Variants in TAFA2 observed in about 807,000 individuals in gnomAD.
TAFA2 encodes chemokine-like protein TAFA-2.
TAFA2 carries 7 observed loss-of-function variants against 18.8 expected under a neutral mutation model. That is an observed-to-expected ratio of 0.37 (90% CI 0.21 to 0.70). TAFA2 has a LOEUF of 0.70. Among genes scored for constraint, TAFA2 ranks in the 30% least tolerant of loss-of-function variants. The pLI is 0.53. For missense variants in TAFA2, 122 were observed against 158.1 expected, an observed-to-expected ratio of 0.77 and a Z score of 1.23; for synonymous variants, 60 against 54.2, an observed-to-expected ratio of 1.11 and a Z score of -0.47.
chr12:62,148,723 C>A (rs1245432), intron 1 of TAFA2, among the ~76,000 whole-genome samples: 86,861 of 151,894 alleles, frequency 0.57, 24,949 homozygotes, highest in Non-Finnish European at 0.59. Context: ...TAAAATATGA[C>A]CACTAAGAAA....
At chr12:62,153,351 G>A (rs903032858) in intron 1 of TAFA2, among the ~76,000 whole-genome samples, 2 of 152,034 alleles carry the variant, frequency 1.3e-5, no homozygotes, top group Non-Finnish European at 2.9e-5. Flanking sequence ...AATAATAACA[G>A]GAACATACAA....
intron 1 of TAFA2, among the ~76,000 whole-genome samples, chr12:61,871,115 G>A (rs986926278): frequency 6.6e-6 from 1 of 152,016 alleles, no homozygotes; most frequent in African/African-American, 2.4e-5. Context: ...AAGAGTCGGG[G>A]GGGCATGCAA....
intron 1 of TAFA2, among the ~76,000 whole-genome samples, chr12:62,126,895 C>A (rs905487851): frequency 1.3e-5 from 2 of 151,974 alleles, no homozygotes; most frequent in Non-Finnish European, 1.5e-5. Flanking sequence ...GTAGAGAAAT[C>A]TTTTCCCCCA....
intron 2 of TAFA2, among the ~76,000 whole-genome samples, chr12:61,791,756 G>A (rs1427454875): frequency 6.6e-6 from 1 of 151,544 alleles, no homozygotes; most frequent in Non-Finnish European, 1.5e-5. Flanking sequence ...GGGAAAACAT[G>A]TACTGTTTGT....
rs1202651551 is a variant in TAFA2, at chr12:62,074,795, A to G, written c.-2+116464T>C. Reference sequence around the variant, plus strand: ...CGGGACACTGCAACTTCCATTTCCTATGTTCAAGCAATTCTCCTGCCTCAG... The same window carrying G: ...CGGGACACTGCAACTTCCATTTCCTGTGTTCAAGCAATTCTCCTGCCTCAG... On this transcript the variant is annotated intron_variant, in intron 1 of 4. Transcript: ENST00000416284. Among the ~76,000 whole-genome samples, 5 of 148,108 alleles carry G rather than the reference A, an allele frequency of 3.4e-5. No individual in the cohort carries two copies. In the South Asian group the frequency reaches 6.3e-4, roughly 19 times the overall value.
intron 1 of TAFA2, among the ~76,000 whole-genome samples, chr12:61,933,399 C>T (rs1877642275): frequency 6.6e-6 from 1 of 152,116 alleles, no homozygotes; most frequent in South Asian, 2.1e-4. Flanking sequence ...TGGTGCAGAA[C>T]TCGAAACCAG....
At chr12:61,861,847 AT>A (rs1417646699) in intron 2 of TAFA2, among the ~76,000 whole-genome samples, 1 of 152,212 alleles carries the variant, frequency 6.6e-6, no homozygotes, top group African/African-American at 2.4e-5. Context: ...AATTTAAAAA[AT>A]TTTGTTTTTC....
At chr12:61,800,462 G>T (rs1263684922) in intron 2 of TAFA2, among the ~76,000 whole-genome samples, 1 of 152,118 alleles carries the variant, frequency 6.6e-6, no homozygotes. Context: ...TTGAACAATT[G>T]AATTAGTGTT....
intron 1 of TAFA2, among the ~76,000 whole-genome samples, chr12:62,165,876 T>C (rs1050304652): frequency 2.6e-4 from 40 of 151,768 alleles, no homozygotes; most frequent in Non-Finnish European, 5.4e-4. Context: ...GAATTTAACA[T>C]GTTGCCAGTT....
chr12:62,032,178 T>C (rs1881477181), intron 1 of TAFA2, among the ~76,000 whole-genome samples: 1 of 152,184 alleles, frequency 6.6e-6, no homozygotes, highest in Admixed American at 6.5e-5. Flanking sequence ...AACATCTCTC[T>C]TGGCAATTTT....
At chr12:61,772,743 A>G (rs953168144) in intron 2 of TAFA2, among the ~76,000 whole-genome samples, 3 of 152,000 alleles carry the variant, frequency 2.0e-5, no homozygotes, top group Non-Finnish European at 4.4e-5. Context: ...ACAAACCCAT[A>G]GTCAGTATTA....
Position 62,086,447 on chromosome 12 carries a change from T to C in TAFA2, c.-2+104812A>G, listed in dbSNP as rs1309111484. Among the ~76,000 whole-genome samples, 10 of 152,200 alleles carry C rather than the reference T, an allele frequency of 6.6e-5. 1 individual carries two copies. The highest frequency in any genetic ancestry group is 6.8e-3 in the Middle Eastern group (2 of 294). On this transcript the variant is annotated intron_variant, in intron 1 of 4. Coordinates refer to ENST00000416284, the MANE Select transcript of TAFA2 (RefSeq NM_178539.5). ...TATATAAAGAACTCCTACAACTGAATAACAACAAACCAACCATCCAATTTA... is the reference window on the plus strand; with the variant it reads ...TATATAAAGAACTCCTACAACTGAACAACAACAAACCAACCATCCAATTTA...
At chr12:62,075,706 A>G (rs931784451) in intron 1 of TAFA2, among the ~76,000 whole-genome samples, 3 of 152,308 alleles carry the variant, frequency 2.0e-5, no homozygotes, top group Admixed American at 2.0e-4. Context: ...GCACACATAT[A>G]TATTGTTTTA....
chr12:62,005,835 A>G (rs1880528701), intron 1 of TAFA2, among the ~76,000 whole-genome samples: 1 of 152,140 alleles, frequency 6.6e-6, no homozygotes, highest in African/African-American at 2.4e-5. Flanking sequence ...ATGCAACTCA[A>G]GTTCGATGTC....
Position 62,184,502 on chromosome 12 carries a change from C to CTTTTTTTTTTTTTTT in TAFA2, c.-2+6756_-2+6757insAAAAAAAAAAAAAAA, listed in dbSNP as rs10526118. Among the ~76,000 whole-genome samples the CTTTTTTTTTTTTTTT allele has an allele frequency of 1.4e-3, 150 of 106,122 alleles. 12 individuals are homozygous for CTTTTTTTTTTTTTTT. Among genetic ancestry groups the CTTTTTTTTTTTTTTT allele is most frequent in the Middle Eastern group, 7.8e-3 (1 of 128 alleles). 69.6% of individuals were successfully genotyped at this position (106,122 alleles called of 152,430 possible). A position where few individuals can be genotyped will look rare whatever the true frequency, so the allele number is the denominator to read the frequency against. On this transcript the variant is annotated intron_variant, in intron 1 of 4. Transcript: ENST00000416284. ...CTGAACACACGGGAAAAAAAAAATTCTTTTTTTTTTGAGGCATAGTCTCAC... is the reference window on the plus strand; with the variant it reads ...CTGAACACACGGGAAAAAAAAAATTCTTTTTTTTTTTTTTTTTTTTTTTTTGAGGCATAGTCTCAC...
At chr12:61,935,436 AG>A (rs1877722553) in intron 1 of TAFA2, among the ~76,000 whole-genome samples, 1 of 152,150 alleles carries the variant, frequency 6.6e-6, no homozygotes, top group South Asian at 2.1e-4. Context: ...TATAGCTATA[AG>A]TTTATAAACA....
chr12:61,990,212 G>C (rs974933439), intron 1 of TAFA2, among the ~76,000 whole-genome samples: 1 of 152,138 alleles, frequency 6.6e-6, no homozygotes, highest in African/African-American at 2.4e-5. Context: ...TTAGCAGTCA[G>C]GAGTCTCAGC....
intron 4 of TAFA2, among the ~76,000 whole-genome samples, chr12:61,728,220 T>A (rs543451345): frequency 6.6e-6 from 1 of 152,096 alleles, no homozygotes; most frequent in Admixed American, 6.6e-5. Flanking sequence ...TAGAATGTTC[T>A]GTAAATATCT....
At chr12:62,012,247 AT>A (rs1880795068) in intron 1 of TAFA2, among the ~76,000 whole-genome samples, 1 of 152,208 alleles carries the variant, frequency 6.6e-6, no homozygotes, top group African/African-American at 2.4e-5. Context: ...CTGTCACATT[AT>A]TAAAACTTTA....
Sources: allele counts gnomAD v4.1 joint callset (sites outside exome capture counted in the v4.1 genomes callset), GRCh38; gene constraint gnomAD v4.1.1; transcripts MANE v1.5; gene names NCBI Gene and HGNC (gene_info 2026-07-23, HGNC 2026-07-21).